HPGDS: variants seen among roughly 807,000 people sequenced by gnomAD.
HPGDS encodes the protein hematopoietic prostaglandin D synthase, also known as GST class-sigma.
A neutral mutation model predicts 23.1 loss-of-function variants in HPGDS; 26 were observed. The observed-to-expected ratio is 1.13, with a 90% CI of 0.83 to 1.56. The LOEUF is 1.56. Ranked by LOEUF, HPGDS falls within the 40% of genes most tolerant of loss-of-function variation. HPGDS has a pLI of 0.00. For missense variants in HPGDS, 268 were observed against 236.4 expected, an observed-to-expected ratio of 1.13 and a Z score of -0.88; for synonymous variants, 95 against 77.9, an observed-to-expected ratio of 1.22 and a Z score of -1.16.
chr4:94,337,219 C>G (rs28581732), intron 1 of HPGDS, among the ~76,000 whole-genome samples: 3 of 152,004 alleles, frequency 2.0e-5, no homozygotes, highest in Admixed American at 6.6e-5. Context: ...AATCCACCCC[C>G]CTTGGCCTCC....
intron 2 of HPGDS, among the ~76,000 whole-genome samples, chr4:94,320,382 TG>T (rs891593663): frequency 6.6e-6 from 1 of 152,158 alleles, no homozygotes; most frequent in African/African-American, 2.4e-5. Flanking sequence ...CCACCAACAG[TG>T]TAAAAGTGTT....
At chr4:94,310,503 T>G (rs2126037289) in intron 3 of HPGDS, among the ~76,000 whole-genome samples, 1 of 152,352 alleles carries the variant, frequency 6.6e-6, no homozygotes, top group African/African-American at 2.4e-5. Flanking sequence ...TATCTCTGTT[T>G]TGGTACCAGT....
chr4:94,308,492 T>C, intron 4 of HPGDS, 142 bp downstream of exon 4: 4 of 495,768 alleles, frequency 8.1e-6, no homozygotes, highest in South Asian at 3.7e-5. Flanking sequence ...TGCTGTACTT[T>C]ATTTTAAACT....
chr4:94,340,317 T>TCTTTCTTTTTCTTTTC lies in HPGDS; in HGVS notation c.-10+2477_-10+2478insGAAAAGAAAAAGAAAG, dbSNP rs1560598066. On this transcript the variant is annotated intron_variant, in intron 1 of 5. Coordinates refer to ENST00000295256, the MANE Select transcript of HPGDS (RefSeq NM_014485.3). ...TCTTTCTTTCTTTCTTTCTCTTTTT[T>TCTTTCTTTTTCTTTTC]TTTTTTTTTTTTTTTTTTTTTTTTT... Among the ~76,000 whole-genome samples, 3 of 16,502 alleles carry TCTTTCTTTTTCTTTTC rather than the reference T, an allele frequency of 1.8e-4. 1 individual carries two copies. Among genetic ancestry groups the TCTTTCTTTTTCTTTTC allele is most frequent in the South Asian group, 3.7e-3 (2 of 546 alleles). The allele number at this position is 16,502 out of a possible 152,430, so 10.8% of individuals were successfully genotyped here.
intron 1 of HPGDS, among the ~76,000 whole-genome samples, chr4:94,338,921 A>T (rs916795920): frequency 6.6e-6 from 1 of 152,216 alleles, no homozygotes; most frequent in Admixed American, 6.5e-5. Context: ...AGACAAAGAA[A>T]AAAAGAGAAC....
At chr4:94,338,203 C>A (rs541442998) in intron 1 of HPGDS, among the ~76,000 whole-genome samples, 1 of 152,244 alleles carries the variant, frequency 6.6e-6, no homozygotes, top group South Asian at 2.1e-4. Flanking sequence ...GCGGGCAGAT[C>A]ACTTGAGGTC....
At chr4:94,313,195 T>G (rs147960478) in intron 3 of HPGDS, among the ~76,000 whole-genome samples, 22,364 of 152,190 alleles carry the variant, frequency 0.15, 1,890 homozygotes, top group Non-Finnish European at 0.19. Flanking sequence ...GTTAGCTGGT[T>G]ATTTTGCTCA....
chr4:94,320,461 G>C (rs1756480550), intron 2 of HPGDS, among the ~76,000 whole-genome samples: 1 of 152,200 alleles, frequency 6.6e-6, no homozygotes, highest in South Asian at 2.1e-4. Flanking sequence ...ATTCTAACTG[G>C]TGTGAGATGG....
chr4:94,300,822 A>T (rs1001135263), intron 5 of HPGDS, among the ~76,000 whole-genome samples: 1 of 152,146 alleles, frequency 6.6e-6, no homozygotes, highest in Non-Finnish European at 1.5e-5. Flanking sequence ...ATAAAAAAAG[A>T]TTAAGACCTG....
At chr4:94,327,756 T>C (rs986404414) in intron 2 of HPGDS, among the ~76,000 whole-genome samples, 1 of 152,240 alleles carries the variant, frequency 6.6e-6, no homozygotes, top group South Asian at 2.1e-4. Context: ...TTTGGGACAC[T>C]ACATGGGCTA....
At chr4:94,331,609 C>T (rs565202627) in intron 2 of HPGDS, among the ~76,000 whole-genome samples, 1 of 152,254 alleles carries the variant, frequency 6.6e-6, no homozygotes, top group African/African-American at 2.4e-5. Context: ...AATTTCTGCT[C>T]AAGGAATATT....
At chr4:94,314,032 C>T (rs914750390) in intron 3 of HPGDS, among the ~76,000 whole-genome samples, 5 of 152,126 alleles carry the variant, frequency 3.3e-5, no homozygotes, top group Non-Finnish European at 7.4e-5. Flanking sequence ...TCTAGTTAGC[C>T]ATTCATCTAA....
Position 94,317,899 on chromosome 4 carries a change from A to G in HPGDS, c.200T>C (p.Ile67Thr). The change falls in exon 3 of 6, where the codon ATA becomes ACA. Residue 67 changes from isoleucine (I) to threonine (T), a missense_variant. Coordinates refer to ENST00000295256, the MANE Select transcript of HPGDS (RefSeq NM_014485.3). ...DGLTLHQSLA[I>T]ARYLTKNTDL... ...TGTGTTTTTGGTCAAATATCTTGCT[A>G]TTGCTAGGCTCTGGTGAAGAGTAAG... The G allele has an allele frequency of 1.9e-6, 3 of 1,611,224 alleles. No homozygotes were observed. The highest frequency in any genetic ancestry group is 1.1e-5 in the South Asian group (1 of 90,584).
intron 3 of HPGDS, among the ~76,000 whole-genome samples, chr4:94,317,351 G>T (rs577892471): frequency 1.0e-3 from 159 of 152,230 alleles, no homozygotes; most frequent in African/African-American, 3.6e-3. Context: ...CAATACCATG[G>T]GTGTGGGCAC....
intron 3 of HPGDS, among the ~76,000 whole-genome samples, chr4:94,312,020 C>T (rs1756284830): frequency 6.6e-6 from 1 of 151,774 alleles, no homozygotes; most frequent in South Asian, 2.1e-4. Flanking sequence ...CTATTTGATT[C>T]TTCTCTCTTT....
rs766344357 is a variant in HPGDS, at chr4:94,299,452, A to G, written c.*28T>C. On this transcript the variant is annotated 3_prime_UTR_variant, in exon 6 of 6. Transcript: ENST00000295256. ...CTGATGAGAGAGATGCCCCCGAGAA[A>G]AACAAACTTGAAGGCAACATGGATC... 2 of 1,580,996 alleles carry G rather than the reference A, an allele frequency of 1.3e-6. No individual in the cohort carries two copies. Among genetic ancestry groups the G allele is most frequent in the Admixed American group, 1.8e-5 (1 of 55,662 alleles).
chr4:94,321,096 G>A (rs186783540), intron 2 of HPGDS, among the ~76,000 whole-genome samples: 1,562 of 152,152 alleles, frequency 0.01, 18 homozygotes, highest in African/African-American at 0.035. Flanking sequence ...TATTTCTGAG[G>A]CCTCTGTTCT....
Position 94,308,736 on chromosome 4 carries a change from A to G in HPGDS, c.234T>C (p.Ala78=). 6.3e-7 allele frequency: 1 copy of G among 1,581,752 alleles called. No homozygotes were observed. The highest frequency in any genetic ancestry group is 1.1e-5 in the South Asian group (1 of 89,348). The part of the protein sequence containing the change: ...ARYLTKNTDL[A]GNTEMEQCHV... ...GACATTGTTCCATTTCTGTGTTTCCAGCCAAATCTGTGGAATAGAGAGAGG... is the reference window on the plus strand; with the variant it reads ...GACATTGTTCCATTTCTGTGTTTCCGGCCAAATCTGTGGAATAGAGAGAGG... Residue 78 remains alanine, a synonymous_variant, in exon 4 of 6, where the codon GCT becomes GCC. Coordinates refer to ENST00000295256, the MANE Select transcript of HPGDS (RefSeq NM_014485.3).
At chr4:94,301,012 A>G (rs1000901241) in intron 5 of HPGDS, among the ~76,000 whole-genome samples, 7 of 152,338 alleles carry the variant, frequency 4.6e-5, no homozygotes, top group Admixed American at 4.6e-4. Context: ...ATAGAAAATG[A>G]AAAATAAATT....
Sources: gnomAD v4.1 joint callset for allele counts (sites outside exome capture counted in the v4.1 genomes callset) on GRCh38, gnomAD v4.1.1 for gene constraint, MANE v1.5 for transcripts, NCBI Gene and HGNC (gene_info 2026-07-23, HGNC 2026-07-21) for gene names.